RAB27B: variants seen among roughly 807,000 people sequenced by gnomAD.
RAB27B encodes RAB27B, member RAS oncogene family, also known as ras-related protein Rab-27B.
A neutral mutation model predicts 24.6 loss-of-function variants in RAB27B; 15 were observed. The ratio of observed to expected loss-of-function variants is 0.61; its 90% CI spans 0.41 to 0.94. The LOEUF (loss-of-function observed/expected upper bound fraction) is 0.94, where lower values mean the gene tolerates loss of function less well. Ranked by LOEUF, RAB27B falls within the 40% of genes least tolerant of loss-of-function variation. RAB27B has a pLI of 0.00. For missense variants in RAB27B, 261 were observed against 266.8 expected (o/e 0.98, Z 0.15); for synonymous variants, 105 against 92.5 (o/e 1.14, Z -0.78).
In RAB27B at chr18:54,849,061, C is replaced by T. The variant is rs143960737; in HGVS notation, c.-20+20361C>T. On this transcript the variant is annotated intron_variant, in intron 1 of 5. Transcript: ENST00000262094. Reference sequence around the variant, plus strand: ...TTCATTTTAGATGTTGAGTCCTGAGCTGATTTTTCAAAGCATGGATTTGGC... The same window carrying T: ...TTCATTTTAGATGTTGAGTCCTGAGTTGATTTTTCAAAGCATGGATTTGGC... Among the ~76,000 whole-genome samples the T allele has an allele frequency of 5.3e-5, 8 of 152,292 alleles. No individual in the cohort carries two copies. In the East Asian group the frequency reaches 1.5e-3, roughly 29 times the overall value.
intron 2 of RAB27B, among the ~76,000 whole-genome samples, chr18:54,728,407 G>C (rs1433164648): frequency 6.6e-6 from 1 of 152,176 alleles, no homozygotes; most frequent in Non-Finnish European, 1.5e-5. Context: ...AGACCCTGAG[G>C]GGTGAAGCCC....
intron 2 of RAB27B, among the ~76,000 whole-genome samples, chr18:54,878,293 T>C (rs1055478484): frequency 6.6e-6 from 1 of 152,190 alleles, no homozygotes; most frequent in African/African-American, 2.4e-5. Flanking sequence ...TCACAACCAC[T>C]TCCTTCTCCT....
intron 2 of RAB27B, among the ~76,000 whole-genome samples, chr18:54,818,408 C>G (rs13381936): frequency 0.034 from 5,228 of 152,226 alleles, 337 homozygotes; most frequent in African/African-American, 0.12. Flanking sequence ...TACAAGCACC[C>G]TCAGAATTCA....
chr18:54,789,476 T>G (rs924592627), intron 2 of RAB27B, among the ~76,000 whole-genome samples: 3 of 152,246 alleles, frequency 2.0e-5, no homozygotes, highest in African/African-American at 4.8e-5. Context: ...AATAGAAAAG[T>G]AATATATACA....
chr18:54,738,537 C>G (rs1226999871), intron 2 of RAB27B, among the ~76,000 whole-genome samples: 1 of 152,138 alleles, frequency 6.6e-6, no homozygotes, highest in Non-Finnish European at 1.5e-5. Flanking sequence ...TTGTAAGTTT[C>G]CTGATGCTTC....
chr18:54,748,898 G>A (rs1910342248), intron 2 of RAB27B, among the ~76,000 whole-genome samples: 1 of 152,166 alleles, frequency 6.6e-6, no homozygotes, highest in Non-Finnish European at 1.5e-5. Flanking sequence ...TAGAAGAAAG[G>A]TGTACAGACC....
At chr18:54,783,779 A>G (rs1169643879) in intron 2 of RAB27B, among the ~76,000 whole-genome samples, 1 of 152,146 alleles carries the variant, frequency 6.6e-6, no homozygotes, top group Non-Finnish European at 1.5e-5. Flanking sequence ...CGTGGAAACC[A>G]TATTCTTCCA....
chr18:54,816,451 T>G (rs936641220), intron 2 of RAB27B, among the ~76,000 whole-genome samples: 15 of 152,230 alleles, frequency 9.9e-5, no homozygotes, highest in African/African-American at 3.4e-4. Context: ...GACTGAGGGA[T>G]TGACATATTT....
Position 54,892,090 on chromosome 18 carries a change from A to G in RAB27B, c.*2677A>G, listed in dbSNP as rs894836777. ...ATACAGACTACTTTAAAGATTTCCAAATCCCCTAATTTACCCCACAACAGC... is the reference window on the plus strand; with the variant it reads ...ATACAGACTACTTTAAAGATTTCCAGATCCCCTAATTTACCCCACAACAGC... On this transcript the variant is annotated 3_prime_UTR_variant, in exon 6 of 6. Coordinates refer to ENST00000262094, the MANE Select transcript of RAB27B (RefSeq NM_004163.4). The G allele has an allele frequency of 6.6e-6, 1 of 152,084 alleles. No homozygotes were observed. Among genetic ancestry groups the G allele is most frequent in the East Asian group, 1.9e-4 (1 of 5,198 alleles). The allele number at this position is 152,084 out of a possible 1,614,324, so 9.4% of individuals were successfully genotyped here. A position where few individuals can be genotyped will look rare whatever the true frequency, so the allele number is the denominator to read the frequency against.
chr18:54,731,361 T>C (rs1909725269), intron 2 of RAB27B, among the ~76,000 whole-genome samples: 1 of 152,170 alleles, frequency 6.6e-6, no homozygotes, highest in Non-Finnish European at 1.5e-5. Flanking sequence ...TGGGCAAAAA[T>C]TCATAATGAT....
chr18:54,816,451 T>C (rs936641220), intron 2 of RAB27B, among the ~76,000 whole-genome samples: 1 of 152,230 alleles, frequency 6.6e-6, no homozygotes, highest in African/African-American at 2.4e-5. Context: ...GACTGAGGGA[T>C]TGACATATTT....
At chr18:54,841,248 A>G (rs1014102093) in intron 1 of RAB27B, among the ~76,000 whole-genome samples, 1 of 150,958 alleles carries the variant, frequency 6.6e-6, no homozygotes, top group African/African-American at 2.4e-5. Context: ...CCAACTGCAG[A>G]TAAGAAGTAT....
intron 1 of RAB27B, among the ~76,000 whole-genome samples, chr18:54,842,101 A>G (rs1185952638): frequency 6.6e-6 from 1 of 152,246 alleles, no homozygotes; most frequent in African/African-American, 2.4e-5. Flanking sequence ...GAATAGCTCT[A>G]AACTAAACTA....
intron 2 of RAB27B, among the ~76,000 whole-genome samples, chr18:54,799,431 G>A (rs1909525740): frequency 6.6e-6 from 1 of 151,964 alleles, no homozygotes; most frequent in Non-Finnish European, 1.5e-5. Flanking sequence ...ACTATACTAA[G>A]TATCCCCATA....
chr18:54,786,145 C>T (rs1321322641), intron 2 of RAB27B, among the ~76,000 whole-genome samples: 1 of 152,164 alleles, frequency 6.6e-6, no homozygotes, highest in Non-Finnish European at 1.5e-5. Flanking sequence ...TTTCCTCCTT[C>T]CTCAGATAAT....
intron 2 of RAB27B, among the ~76,000 whole-genome samples, chr18:54,804,988 T>A (rs1258345564): frequency 3.3e-4 from 50 of 151,050 alleles, no homozygotes; most frequent in Non-Finnish European, 5.3e-4. Flanking sequence ...TCCTTCCTTT[T>A]TTTTTTTAGT....
At chr18:54,782,689 C>G (rs927587310) in intron 2 of RAB27B, among the ~76,000 whole-genome samples, 1 of 152,214 alleles carries the variant, frequency 6.6e-6, no homozygotes, top group East Asian at 1.9e-4. Context: ...AAAACACAGA[C>G]TGTTCATACA....
At chr18:54,845,418 A>T in intron 1 of RAB27B, among the ~76,000 whole-genome samples, 1 of 151,636 alleles carries the variant, frequency 6.6e-6, no homozygotes, top group Non-Finnish European at 1.5e-5. Context: ...AAAAAAAAAA[A>T]ATAAAATAAA....
chr18:54,769,230 AG>A (rs1908463054), intron 2 of RAB27B, among the ~76,000 whole-genome samples: 1 of 152,218 alleles, frequency 6.6e-6, no homozygotes, highest in South Asian at 2.1e-4. Flanking sequence ...GCCAAAAGAA[AG>A]GAGCTACAGG....
Sources: gnomAD v4.1 joint callset for allele counts (sites outside exome capture counted in the v4.1 genomes callset) on GRCh38, gnomAD v4.1.1 for gene constraint, MANE v1.5 for transcripts, NCBI Gene and HGNC (gene_info 2026-07-23, HGNC 2026-07-21) for gene names.